The following PIEZO2 variants were observed in gnomAD, a reference collection of about 807,000 sequenced individuals.
PIEZO2 encodes piezo type mechanosensitive ion channel component 2, also known as piezo-type mechanosensitive ion channel component 2.
In PIEZO2, 172 loss-of-function variants were observed where a neutral mutation model predicts 337.3. The ratio of observed to expected loss-of-function variants is 0.51; its 90% CI spans 0.45 to 0.58. The LOEUF (loss-of-function observed/expected upper bound fraction) is 0.58. PIEZO2 is among the 20% of genes least tolerant of loss of function. The pLI is 0.00. For missense variants in PIEZO2, 3,028 were observed against 3,391.3 expected, an observed-to-expected ratio of 0.89 and a Z score of 2.66; for synonymous variants, 1,251 against 1,228.5, an observed-to-expected ratio of 1.02 and a Z score of -0.38.
At chr18:10,990,558 T>C (rs1240208397) in intron 2 of PIEZO2, among the ~76,000 whole-genome samples, 1 of 152,060 alleles carries the variant, frequency 6.6e-6, no homozygotes, top group Non-Finnish European at 1.5e-5. Flanking sequence ...AAAATTTTCA[T>C]ATGAAAGTTT....
chr18:10,809,375 A>G (rs2040111695), intron 7 of PIEZO2, among the ~76,000 whole-genome samples: 1 of 146,712 alleles, frequency 6.8e-6, no homozygotes, highest in Admixed American at 7.2e-5. Context: ...GGTTCAAGCA[A>G]TTCTTCTGCC....
At position 10,726,883 on chromosome 18, in the gene PIEZO2, A is replaced by G; in HGVS notation, c.5029+4524T>C. On this transcript the variant is annotated intron_variant, in intron 36 of 55. Transcript: ENST00000674853. This position sits in a 1 kb window ranked among gnomAD's most constrained non-coding sequence, Gnocchi z 5.9. ...ACGCTACCGGCAGCAGCTGAAGCAC[A>G]TCATGGCCACCAACCGGCTGGATGT... 3 of 1,597,042 alleles carry G rather than the reference A, an allele frequency of 1.9e-6. No homozygotes were observed. The highest frequency in any genetic ancestry group is 1.7e-5 in the Admixed American group (1 of 59,120).
chr18:10,854,511 A>G lies in PIEZO2; in HGVS notation c.917+842T>C, dbSNP rs901185. ...TTCCTTTGCCCTGTCATTATCTAAC[A>G]TCATCCTGCATGGAGGAATTTTCTC... On this transcript the variant is annotated intron_variant, in intron 7 of 55. Transcript: ENST00000674853. This position sits in a 1 kb window ranked among gnomAD's most constrained non-coding sequence, Gnocchi z 4.6. 0.047 allele frequency among the ~76,000 whole-genome samples: 7,136 copies of G among 152,276 alleles called. 247 individuals are homozygous for G. Among genetic ancestry groups the G allele is most frequent in the Non-Finnish European group, 0.07 (4,782 of 68,012 alleles).
intron 3 of PIEZO2, among the ~76,000 whole-genome samples, chr18:10,970,661 C>CTCACAA (rs57245364): frequency 9.4e-5 from 2 of 21,388 alleles, no homozygotes; most frequent in East Asian, 1.5e-3. Flanking sequence ...AAAGATGTTT[C>CTCACAA]ACACACACAC....
intron 49 of PIEZO2, among the ~76,000 whole-genome samples, chr18:10,685,398 G>T (rs2034504743): frequency 6.6e-6 from 1 of 152,182 alleles, no homozygotes; most frequent in Non-Finnish European, 1.5e-5. Context: ...CATTGGTTTA[G>T]CATAGGATGG....
chr18:11,135,978 T>C (rs995261620), intron 1 of PIEZO2, among the ~76,000 whole-genome samples: 5 of 152,242 alleles, frequency 3.3e-5, no homozygotes, highest in Admixed American at 6.5e-5. Context: ...ATCTGACATT[T>C]GTTTTCTCCT....
In PIEZO2 at chr18:10,759,885, C is replaced by T. The variant is rs771172115; in HGVS notation, c.3475G>A (p.Val1159Ile). The T allele has an allele frequency of 6.5e-6, 10 of 1,537,214 alleles. No homozygotes were observed. The highest frequency in any genetic ancestry group is 4.8e-5 in the South Asian group (4 of 84,064). ...TAGAAATCCATTCGCTGGCCAATGA[C>T]GTTAACTGACATTAGGAAACAGGTC... Reference protein sequence around the residue: ...LETCFLMSVNVIGQRMDFYAM... With the variant: ...LETCFLMSVNIIGQRMDFYAM... The change falls in exon 25 of 56, where the codon GTC (valine) becomes ATC (isoleucine). Residue 1159 changes from valine to isoleucine, a missense_variant. By Grantham distance (29) the Val-to-Ile change is conservative. Around this residue, in one of 5 missense-constraint regions of PIEZO2, gnomAD observed 1,925 missense variants for 2,051.9 expected, o/e 0.94. Transcript: ENST00000674853. This position sits in a 1 kb window ranked among gnomAD's most constrained non-coding sequence, Gnocchi z 5.5.
chr18:10,711,920 T>C (rs2035835431), intron 39 of PIEZO2, among the ~76,000 whole-genome samples: 2 of 152,192 alleles, frequency 1.3e-5, no homozygotes, highest in South Asian at 4.1e-4. Context: ...ATTGGATATA[T>C]ACAGAGCAGT....
intron 3 of PIEZO2, among the ~76,000 whole-genome samples, chr18:10,961,021 A>C (rs1292105472): frequency 1.3e-5 from 2 of 152,118 alleles, no homozygotes; most frequent in Non-Finnish European, 2.9e-5. Context: ...TACCAAAAAT[A>C]CAAGAAAAAA....
intron 1 of PIEZO2, among the ~76,000 whole-genome samples, chr18:11,142,863 G>C (rs2040693750): frequency 6.6e-6 from 1 of 151,310 alleles, no homozygotes; most frequent in Non-Finnish European, 1.5e-5. Context: ...GGGATCACGA[G>C]GTCAGGAGAT....
At position 10,813,361 on chromosome 18, in the gene PIEZO2, A is replaced by C. The variant is rs1164179783; in HGVS notation, c.918-6087T>G. On this transcript the variant is annotated intron_variant, in intron 7 of 55. Coordinates refer to ENST00000674853, the MANE Select transcript of PIEZO2 (RefSeq NM_001378183.1). This position sits in a 1 kb window ranked among gnomAD's most constrained non-coding sequence, Gnocchi z 4.2. ...CGAAACCAATCGCCAGAACTTTTTC[A>C]TCTTGCAAAACTAAAATTCTGTACA... Among the ~76,000 whole-genome samples the C allele has an allele frequency of 6.6e-6, 1 of 152,204 alleles. No homozygotes were observed. Among genetic ancestry groups the C allele is most frequent in the Non-Finnish European group, 1.5e-5 (1 of 68,038 alleles).
intron 1 of PIEZO2, among the ~76,000 whole-genome samples, chr18:11,123,237 C>T (rs1471945126): frequency 1.3e-5 from 2 of 152,162 alleles, no homozygotes; most frequent in African/African-American, 2.4e-5. Flanking sequence ...TAGATATACA[C>T]AATTACACTT....
rs906100880 is a variant in PIEZO2 at position 11,070,462 on chromosome 18, T to G, written c.65-4240A>C. Among the ~76,000 whole-genome samples the G allele has an allele frequency of 2.0e-5, 3 of 152,138 alleles. No individual in the cohort carries two copies. Among genetic ancestry groups the G allele is most frequent in the African/African-American group, 7.2e-5 (3 of 41,420 alleles). On this transcript the variant is annotated intron_variant, in intron 1 of 55. Coordinates refer to ENST00000674853, the MANE Select transcript of PIEZO2 (RefSeq NM_001378183.1). This position sits in a 1 kb window ranked among gnomAD's most constrained non-coding sequence, Gnocchi z 4.3. ...GAGGCACGAAGGAGGCAGGTGTTTG[T>G]CTTAGCTCTGCCTACATGTGGGATG... is the stretch of plus-strand genomic sequence containing the variant.
At chr18:10,742,196 C>T (rs932455709) in intron 32 of PIEZO2, among the ~76,000 whole-genome samples, 7 of 152,104 alleles carry the variant, frequency 4.6e-5, no homozygotes, top group African/African-American at 1.4e-4. Flanking sequence ...ACAAATTAAA[C>T]AAAATCCTGC....
intron 7 of PIEZO2, among the ~76,000 whole-genome samples, chr18:10,845,845 A>G (rs1191030649): frequency 6.6e-6 from 1 of 152,258 alleles, no homozygotes; most frequent in African/African-American, 2.4e-5. Flanking sequence ...GGAGTTTCTC[A>G]AATAAATACA....
intron 3 of PIEZO2, among the ~76,000 whole-genome samples, chr18:10,912,301 C>T (rs116859055): frequency 0.092 from 13,972 of 152,142 alleles, 851 homozygotes; most frequent in Admixed American, 0.15. Flanking sequence ...TCTGCATTTA[C>T]CAAAAGTAAG....
At chr18:10,732,906 GCAA>G (rs1471124576) in intron 35 of PIEZO2, among the ~76,000 whole-genome samples, 1 of 152,188 alleles carries the variant, frequency 6.6e-6, no homozygotes, top group Admixed American at 6.5e-5. Context: ...AGGTTTAAGA[GCAA>G]CATATGGTGA....
intron 2 of PIEZO2, among the ~76,000 whole-genome samples, chr18:11,017,220 G>A (rs926755216): frequency 6.6e-6 from 1 of 152,188 alleles, no homozygotes; most frequent in Non-Finnish European, 1.5e-5. Flanking sequence ...GGTTGCCCTG[G>A]AAGTCCAACT....
At chr18:10,812,907 A>G (rs938289502) in intron 7 of PIEZO2, among the ~76,000 whole-genome samples, 10 of 152,210 alleles carry the variant, frequency 6.6e-5, no homozygotes, top group Admixed American at 2.6e-4. Flanking sequence ...GAAATACGTA[A>G]TACTGAAAAT....
Sources: gnomAD v4.1 joint callset for allele counts (sites outside exome capture counted in the v4.1 genomes callset) on GRCh38, gnomAD v4.1.1 for gene constraint, gnomAD v4.1.1 regional missense constraint, Gnocchi (gnomAD v3.1) non-coding constraint, MANE v1.5 for transcripts, NCBI Gene and HGNC (gene_info 2026-07-23, HGNC 2026-07-21) for gene names.